The following ACLY variants were observed in gnomAD, a reference collection of about 807,000 sequenced individuals.
ACLY encodes the protein ATP-citrate synthase.
In ACLY, 41 loss-of-function variants were observed where a neutral mutation model predicts 133.0. The observed-to-expected ratio is 0.31, with a 90% confidence interval of 0.24 to 0.40. ACLY has a LOEUF of 0.40. ACLY is among the 10% of genes least tolerant of loss of function. ACLY has a pLI of 1.00. For synonymous variants in ACLY, 495 were observed against 549.3 expected, an observed-to-expected ratio of 0.90 and a Z score of 1.38; for missense variants, 1,046 against 1,453.8, an observed-to-expected ratio of 0.72 and a Z score of 4.56.
chr17:41,904,136 G>A (rs1310506688), intron 10 of ACLY, among the ~76,000 whole-genome samples: 2 of 144,342 alleles, frequency 1.4e-5, no homozygotes, highest in Non-Finnish European at 3.0e-5. Context: ...AGGAAGGGAG[G>A]GAAGGAGGAA....
At chr17:41,913,945 A>G (rs782087818) in intron 1 of ACLY, 49 bp from the exon 2 acceptor site, 8 of 1,580,792 alleles carry the variant, frequency 5.1e-6, no homozygotes, top group Non-Finnish European at 6.1e-6. Flanking sequence ...GTGTGGAGGC[A>G]CTATCTTCCC....
At chr17:41,917,334 A>C (rs1555634709) in intron 1 of ACLY, among the ~76,000 whole-genome samples, 1 of 152,102 alleles carries the variant, frequency 6.6e-6, no homozygotes, top group Non-Finnish European at 1.5e-5. Flanking sequence ...CTAAATGTGT[A>C]AACCATTTGG....
chr17:41,882,227 T>C (rs567924706), intron 20 of ACLY, among the ~76,000 whole-genome samples: 4 of 151,148 alleles, frequency 2.6e-5, no homozygotes, highest in Admixed American at 1.3e-4. Flanking sequence ...ATTAGCTGGG[T>C]GTGGTGGCAT....
intron 22 of ACLY, among the ~76,000 whole-genome samples, chr17:41,877,158 G>C (rs1205850757): frequency 7.5e-6 from 1 of 133,596 alleles, no homozygotes; most frequent in South Asian, 2.4e-4. Context: ...TTTTTTTTTT[G>C]AGACGGAGTT....
intron 27 of ACLY, 34 bp downstream of exon 27, chr17:41,869,009 A>G: frequency 1.9e-6 from 3 of 1,561,288 alleles, no homozygotes; most frequent in Non-Finnish European, 2.6e-6. Context: ...AAATCAACAA[A>G]CGTAATGAAG....
At chr17:41,868,327 G>A (rs895639558) in intron 28 of ACLY, among the ~76,000 whole-genome samples, 8 of 150,032 alleles carry the variant, frequency 5.3e-5, no homozygotes, top group Non-Finnish European at 1.0e-4. Flanking sequence ...AGTCCCAGCT[G>A]CTTGGGAGGC....
Position 41,868,697 on chromosome 17 carries a change from G to T in ACLY, c.3211+12C>A. On this transcript the variant is annotated intron_variant, in intron 28 of 28. Coordinates refer to ENST00000352035, the MANE Select transcript of ACLY (RefSeq NM_001096.3). ...AAAAAAAAACACTTAAAACAACAACGAATGGACTCACCAATGAACCCCATA... is the reference window on the plus strand; with the variant it reads ...AAAAAAAAACACTTAAAACAACAACTAATGGACTCACCAATGAACCCCATA... 6.2e-7 allele frequency: 1 copy of T among 1,608,930 alleles called. No individual in the cohort carries two copies. Among genetic ancestry groups the T allele is most frequent in the Non-Finnish European group, 8.5e-7 (1 of 1,178,040 alleles).
rs1555629514 is a variant in ACLY at position 41,892,377 on chromosome 17, C to T, written c.1672G>A (p.Asp558Asn). The change falls in exon 16 of 29, where the codon GAT becomes AAT. Residue 558 changes from aspartate (D) to asparagine (N), a missense_variant. This residue lies in a region of ACLY where 575 missense variants were observed against 804.2 expected (regional missense o/e 0.71). Coordinates refer to ENST00000352035, the MANE Select transcript of ACLY (RefSeq NM_001096.3). Reference sequence around the variant, plus strand: ...ACCTCCGGATGCTTCCTCATGGCATCAGCCATGTTCTTGAAGACAGGGATC... The same window carrying T: ...ACCTCCGGATGCTTCCTCATGGCATTAGCCATGTTCTTGAAGACAGGGATC... ...ILIPVFKNMADAMRKHPEVDV... is the reference protein window; with the variant it reads ...ILIPVFKNMANAMRKHPEVDV... 4 of 1,613,632 alleles carry T rather than the reference C, an allele frequency of 2.5e-6. No individual in the cohort carries two copies. The highest frequency in any genetic ancestry group is 3.4e-6 in the Non-Finnish European group (4 of 1,179,808).
chr17:41,915,494 TG>T (rs2050027394), intron 1 of ACLY, among the ~76,000 whole-genome samples: 1 of 152,092 alleles, frequency 6.6e-6, no homozygotes, highest in African/African-American at 2.4e-5. Flanking sequence ...GCCAGGCTGG[TG>T]GGGCTTCAGG....
chr17:41,927,306 G>A (rs1054656877), intron 1 of ACLY, among the ~76,000 whole-genome samples: 4 of 151,998 alleles, frequency 2.6e-5, no homozygotes, highest in Non-Finnish European at 5.9e-5. Context: ...CATGTTCCCA[G>A]GCAGTTAGTC....
chr17:41,883,796 G>A (rs782774772), intron 19 of ACLY, among the ~76,000 whole-genome samples: 1 of 151,926 alleles, frequency 6.6e-6, no homozygotes, highest in African/African-American at 2.4e-5. Context: ...TGTAGGCCAC[G>A]ATGGTCTAGA....
rs782487022 is a variant in ACLY at position 41,910,246 on chromosome 17, G to T, written c.321C>A (p.Ile107=). 3 of 1,613,804 alleles carry T rather than the reference G, an allele frequency of 1.9e-6. No homozygotes were observed. Among genetic ancestry groups the T allele is most frequent in the Non-Finnish European group, 2.5e-6 (3 of 1,179,928 alleles). The change falls in exon 4 of 29, where the codon ATC becomes ATA. Residue 107 remains isoleucine, a synonymous_variant. Coordinates refer to ENST00000352035, the MANE Select transcript of ACLY (RefSeq NM_001096.3). ...KATGFLKNFL[I]EPFVPHSQAE... ...CCTGACTGTGGGGGACGAAGGGCTCGATCAGAAAGTTCTTGAGGAAGCCTG... is the reference window on the plus strand; with the variant it reads ...CCTGACTGTGGGGGACGAAGGGCTCTATCAGAAAGTTCTTGAGGAAGCCTG...
chr17:41,923,346 G>A (rs186418918), upstream of ACLY, among the ~76,000 whole-genome samples: 14 of 152,296 alleles, frequency 9.2e-5, no homozygotes, highest in East Asian at 2.7e-3. Flanking sequence ...GCCTAAAACT[G>A]GCTAAGGACT....
At chr17:41,904,539 A>G (rs1478523198) in intron 10 of ACLY, 190 bp downstream of exon 10, 2 of 597,506 alleles carry the variant, frequency 3.3e-6, no homozygotes, top group East Asian at 2.8e-5. Context: ...CCAGAGACAC[A>G]CAGCGCAGAT....
At chr17:41,909,809 TC>T in intron 4 of ACLY, 109 bp from the exon 5 acceptor site, 2 of 920,700 alleles carry the variant, frequency 2.2e-6, no homozygotes, top group Non-Finnish European at 3.3e-6. Context: ...AGGAAACCAA[TC>T]CCCACGGTCT....
intron 15 of ACLY, among the ~76,000 whole-genome samples, 195 bp from the exon 16 acceptor site, chr17:41,892,642 G>A (rs1055815232): frequency 4.0e-5 from 6 of 151,884 alleles, no homozygotes; most frequent in Non-Finnish European, 5.9e-5. Context: ...GCCTTCCCCA[G>A]CAAAGGGAAT....
At chr17:41,896,441 T>C (rs2049367707) in intron 14 of ACLY, among the ~76,000 whole-genome samples, 179 bp downstream of exon 14, 1 of 151,560 alleles carries the variant, frequency 6.6e-6, no homozygotes, top group Non-Finnish European at 1.5e-5. Flanking sequence ...TGAGCACGGA[T>C]AGGAGGGGAG....
At chr17:41,892,971 G>A (rs1246507651) in intron 15 of ACLY, 62 bp downstream of exon 15, 1 of 1,573,888 alleles carries the variant, frequency 6.4e-7, no homozygotes, top group Non-Finnish European at 8.7e-7. Flanking sequence ...GAGCCACTGT[G>A]CCCAGCCCCA....
intron 20 of ACLY, among the ~76,000 whole-genome samples, chr17:41,879,881 G>A (rs554823179): frequency 2.4e-4 from 37 of 151,564 alleles, no homozygotes; most frequent in South Asian, 2.1e-3. Flanking sequence ...ACAGGTGTAT[G>A]CCTGGCTAAA....
Sources: allele counts gnomAD v4.1 joint callset (sites outside exome capture counted in the v4.1 genomes callset), GRCh38; gene constraint gnomAD v4.1.1; regional missense constraint gnomAD v4.1.1; transcripts MANE v1.5; gene names NCBI Gene and HGNC (gene_info 2026-07-23, HGNC 2026-07-21).